The following SLC25A53 variants were observed in gnomAD, a reference collection of about 807,000 sequenced individuals.
SLC25A53 encodes the protein solute carrier family 25 member 53.
SLC25A53 carries 5 observed loss-of-function variants against 15.0 expected under a neutral mutation model. The ratio of observed to expected loss-of-function variants is 0.33; its 90% CI spans 0.17 to 0.70. The LOEUF (loss-of-function observed/expected upper bound fraction) is 0.70. Ranked by LOEUF, SLC25A53 falls within the 30% of genes least tolerant of loss-of-function variation. SLC25A53 has a pLI of 0.67. For synonymous variants in SLC25A53, 95 were observed against 100.0 expected (o/e 0.95, Z 0.30); for missense variants, 216 against 241.6 (o/e 0.89, Z 0.70).
chrX:104,125,187 G>C (rs1296585986), intron 1 of SLC25A53, among the ~76,000 whole-genome samples: 2 of 105,859 alleles, frequency 1.9e-5, no homozygotes, highest in Admixed American at 2.1e-4. Context: ...AAGTAGAAGT[G>C]AAAGTTCCCC....
intron 1 of SLC25A53, among the ~76,000 whole-genome samples, chrX:104,119,743 A>T (rs1356953628): frequency 1.8e-5 from 2 of 111,696 alleles, no homozygotes; most frequent in Non-Finnish European, 3.8e-5. Flanking sequence ...AGCTTAACAA[A>T]TTATTATAAA....
intron 1 of SLC25A53, chrX:104,115,723 CAGAT>C (rs1324894946): frequency 6.5e-6 from 1 of 152,753 alleles, no homozygotes; most frequent in East Asian, 1.9e-4. Context: ...CCTGTGTACC[CAGAT>C]AGATATATGT....
At chrX:104,156,312 T>G (rs781859989) in intron 1 of SLC25A53, among the ~76,000 whole-genome samples, 92 of 111,398 alleles carry the variant, frequency 8.3e-4, no homozygotes, top group African/African-American at 2.9e-3. Context: ...GATCTATCTC[T>G]GTCTCCTTGT....
intron 1 of SLC25A53, among the ~76,000 whole-genome samples, chrX:104,144,229 G>A (rs782801671): frequency 8.9e-6 from 1 of 111,746 alleles, no homozygotes; most frequent in Non-Finnish European, 1.9e-5. Flanking sequence ...ATAATGACAG[G>A]ATAAAATTCA....
At chrX:104,114,896 A>G in intron 1 of SLC25A53, 2 of 1,203,872 alleles carry the variant, frequency 1.7e-6, no homozygotes, top group Non-Finnish European at 2.2e-6. Context: ...GCTGACTGTA[A>G]CTGCAACGTG....
chrX:104,153,255 TATATATA>T (rs1436699758), intron 1 of SLC25A53, among the ~76,000 whole-genome samples: 66 of 50,630 alleles, frequency 1.3e-3, no homozygotes, highest in African/African-American at 5.2e-3. Flanking sequence ...TGTATATATA[TATATATA>T]TTTTTTTTTT....
At chrX:104,124,970 G>A (rs1243129323) in intron 1 of SLC25A53, among the ~76,000 whole-genome samples, 1 of 102,228 alleles carries the variant, frequency 9.8e-6, no homozygotes, top group Non-Finnish European at 2.0e-5. Context: ...AGCCTTCCTA[G>A]TAGCTGGGAT....
chrX:104,131,672 T>C (rs1196200683), intron 1 of SLC25A53, among the ~76,000 whole-genome samples: 2 of 111,623 alleles, frequency 1.8e-5, no homozygotes, highest in Non-Finnish European at 3.8e-5. Context: ...ACTTATTTCT[T>C]AGGCTCTCCC....
At chrX:104,120,376 A>G (rs1169067037) in intron 1 of SLC25A53, among the ~76,000 whole-genome samples, 1 of 112,000 alleles carries the variant, frequency 8.9e-6, no homozygotes, top group Non-Finnish European at 1.9e-5. Context: ...AACACTTGAC[A>G]TTGTCAACAA....
intron 1 of SLC25A53, among the ~76,000 whole-genome samples, chrX:104,109,842 G>T (rs1353706881): frequency 8.9e-6 from 1 of 112,299 alleles, no homozygotes; most frequent in Non-Finnish European, 1.9e-5. Context: ...AAAGGAGGCA[G>T]GCAGCCAAAG....
At chrX:104,120,458 C>A (rs1044793618) in intron 1 of SLC25A53, among the ~76,000 whole-genome samples, 1 of 111,963 alleles carries the variant, frequency 8.9e-6, no homozygotes, top group Non-Finnish European at 1.9e-5. Flanking sequence ...GTGTATACTA[C>A]TATAAATTAA....
chrX:104,114,966 G>C (rs782695183), intron 1 of SLC25A53: 3 of 1,195,225 alleles, frequency 2.5e-6, no homozygotes, highest in Non-Finnish European at 3.4e-6. Flanking sequence ...TGGTGTCTCT[G>C]TACCCTTCAC....
At chrX:104,141,691 G>A (rs1270816260) in intron 1 of SLC25A53, among the ~76,000 whole-genome samples, 3 of 111,187 alleles carry the variant, frequency 2.7e-5, no homozygotes, top group Non-Finnish European at 3.8e-5. Context: ...CAGCTCAAGC[G>A]ATCCTCCCAC....
rs781928283 is a variant in SLC25A53, at chrX:104,108,224, C to T, written c.-31-2936G>A. On this transcript the variant is annotated intron_variant, in intron 1 of 1. Coordinates refer to ENST00000594199, the MANE Select transcript of SLC25A53 (RefSeq NM_001012755.5). ...GACCCGAGACTGAATTCTGCCTCTGCCACTTAGTTGTGTGACCTTGGAAAA... is the reference window on the plus strand; with the variant it reads ...GACCCGAGACTGAATTCTGCCTCTGTCACTTAGTTGTGTGACCTTGGAAAA... 2.7e-5 allele frequency among the ~76,000 whole-genome samples: 3 copies of T among 111,694 alleles called. No individual in the cohort carries two copies. The East Asian group carries it at 8.4e-4, about 31-fold the overall frequency.
chrX:104,115,130 C>G, intron 1 of SLC25A53: 1 of 1,204,978 alleles, frequency 8.3e-7, no homozygotes, highest in Non-Finnish European at 1.1e-6. Context: ...ATTCGTAGAG[C>G]CAGGAAGCGA....
Position 104,101,760 on chromosome X carries a change from G to A in SLC25A53, c.*2574C>T, listed in dbSNP as rs1203552423. The A allele has an allele frequency of 3.6e-5, 4 of 112,028 alleles. No individual in the cohort carries two copies. Among genetic ancestry groups the A allele is most frequent in the Non-Finnish European group, 5.6e-5 (3 of 53,234 alleles). 9.2% of individuals were successfully genotyped at this position (112,028 alleles called of 1,213,427 possible). A position where few individuals can be genotyped will look rare whatever the true frequency, so the allele number is the denominator to read the frequency against. ...TTCAGGGAAAAAATATCCTGTGTGT[G>A]TATAGACAGAGTGCACACTTAAATA... On this transcript the variant is annotated 3_prime_UTR_variant, in exon 2 of 2. Coordinates refer to ENST00000594199, the MANE Select transcript of SLC25A53 (RefSeq NM_001012755.5).
chrX:104,129,844 A>G (rs1556365110), intron 1 of SLC25A53, among the ~76,000 whole-genome samples: 1 of 85,164 alleles, frequency 1.2e-5, no homozygotes, highest in African/African-American at 4.3e-5. Context: ...AAACACATAT[A>G]TATCCACACA....
At chrX:104,138,243 C>CAA (rs201707533) in intron 1 of SLC25A53, among the ~76,000 whole-genome samples, 19 of 100,540 alleles carry the variant, frequency 1.9e-4, no homozygotes, top group African/African-American at 6.1e-4. Flanking sequence ...GGCGTCTCTA[C>CAA]AAAAAAAAAA....
chrX:104,117,035 C>A lies in SLC25A53; in HGVS notation c.-31-11747G>T, dbSNP rs782593447. Among the ~76,000 whole-genome samples, 3 of 102,623 alleles carry A rather than the reference C, an allele frequency of 2.9e-5. No individual in the cohort carries two copies. In the East Asian group the frequency reaches 9.6e-4, roughly 33 times the overall value. The allele number at this position is 102,623 out of a possible 115,157, so 89.1% of individuals were successfully genotyped here. A position where few individuals can be genotyped will look rare whatever the true frequency, so the allele number is the denominator to read the frequency against. ...CCCCACAATCCCATTCAGTTCCCCCCTGCTCCATGCACATCCCCACAATCT... is the reference window on the plus strand; with the variant it reads ...CCCCACAATCCCATTCAGTTCCCCCATGCTCCATGCACATCCCCACAATCT... On this transcript the variant is annotated intron_variant, in intron 1 of 1. Coordinates refer to ENST00000594199, the MANE Select transcript of SLC25A53 (RefSeq NM_001012755.5).
Sources: gnomAD v4.1 joint callset for allele counts (sites outside exome capture counted in the v4.1 genomes callset) on GRCh38, gnomAD v4.1.1 for gene constraint, MANE v1.5 for transcripts, NCBI Gene and HGNC (gene_info 2026-07-23, HGNC 2026-07-21) for gene names.